Variants in SPATA22 observed in about 807,000 individuals in gnomAD.
SPATA22 encodes spermatogenesis-associated protein 22.
SPATA22 carries 29 observed loss-of-function variants against 47.8 expected under a neutral mutation model. That is an observed-to-expected ratio of 0.61 (90% CI 0.45 to 0.83). The LOEUF (loss-of-function observed/expected upper bound fraction) is 0.83. Ranked by LOEUF, SPATA22 falls within the 40% of genes least tolerant of loss-of-function variation. The probability of loss-of-function intolerance (pLI) is 0.00; values close to 1 mark genes in which losing one functional copy is unlikely to be tolerated. For synonymous variants in SPATA22, 133 were observed against 140.9 expected (o/e 0.94, Z 0.40); for missense variants, 410 against 421.7 (o/e 0.97, Z 0.24).
At chr17:3,507,584 T>C (rs965516979) in intron 1 of SPATA22, among the ~76,000 whole-genome samples, 1 of 152,220 alleles carries the variant, frequency 6.6e-6, no homozygotes, top group Non-Finnish European at 1.5e-5. Flanking sequence ...TTCTTGATAC[T>C]AGACTAACTA....
intron 1 of SPATA22, chr17:3,481,505 G>C (rs2073625966): frequency 8.9e-7 from 1 of 1,123,670 alleles, no homozygotes; most frequent in Non-Finnish European, 1.3e-6. Context: ...TCATATTAAA[G>C]ATTTGGCGAC....
chr17:3,456,171 A>G, intron 5 of SPATA22, among the ~76,000 whole-genome samples: 1 of 152,172 alleles, frequency 6.6e-6, no homozygotes, highest in Non-Finnish European at 1.5e-5. Flanking sequence ...TTCAAAAGCT[A>G]GCAGAAGGCA....
chr17:3,464,130 G>A (rs1455499667), intron 3 of SPATA22, among the ~76,000 whole-genome samples: 7 of 152,130 alleles, frequency 4.6e-5, no homozygotes, highest in East Asian at 1.9e-4. Flanking sequence ...GCAGGCGCGC[G>A]CCGCCACGCC....
At chr17:3,496,939 G>A (rs997585520) in intron 1 of SPATA22, among the ~76,000 whole-genome samples, 10 of 152,210 alleles carry the variant, frequency 6.6e-5, no homozygotes, top group South Asian at 4.2e-4. Context: ...GGTGGCAGGC[G>A]CCTGTAATCC....
chr17:3,480,168 G>A (rs1292635612), intron 1 of SPATA22, among the ~76,000 whole-genome samples: 1 of 152,212 alleles, frequency 6.6e-6, no homozygotes, highest in Non-Finnish European at 1.5e-5. Context: ...GCCAAGGCAG[G>A]AGGATTGCCT....
chr17:3,462,787 A>G lies in SPATA22; in HGVS notation c.173-20T>C. The G allele has an allele frequency of 6.3e-7, 1 of 1,578,176 alleles. No individual in the cohort carries two copies. Among genetic ancestry groups the G allele is most frequent in the Non-Finnish European group, 8.7e-7 (1 of 1,147,330 alleles). On this transcript the variant is annotated intron_variant, in intron 3 of 8. Coordinates refer to ENST00000572969, the MANE Select transcript of SPATA22 (RefSeq NM_001170698.2). ...CCCAATCTCAAAAGATATAAGTAAC[A>G]TAGATAAAAGTAAGATAGGTAGTAT... is the stretch of plus-strand genomic sequence containing the variant.
intron 1 of SPATA22, among the ~76,000 whole-genome samples, chr17:3,505,778 G>C (rs1437504741): frequency 6.8e-6 from 1 of 146,424 alleles, no homozygotes; most frequent in Non-Finnish European, 1.5e-5. Context: ...TTGTTTTTGA[G>C]ACGGAGTCTC....
intron 1 of SPATA22, among the ~76,000 whole-genome samples, chr17:3,506,723 T>G (rs2074043542): frequency 6.6e-6 from 1 of 152,152 alleles, no homozygotes; most frequent in Non-Finnish European, 1.5e-5. Flanking sequence ...GTGGATCACC[T>G]GAGGTCAGGA....
At position 3,489,359 on chromosome 17, in the gene SPATA22, GT is replaced by G. The variant is rs745752959; in HGVS notation, c.-73-19962del. 54 of 1,561,428 alleles carry G rather than the reference GT, an allele frequency of 3.5e-5. No homozygotes were observed. Among genetic ancestry groups the G allele is most frequent in the Admixed American group, 5.0e-5 (3 of 59,890 alleles). On this transcript the variant is annotated intron_variant, in intron 1 of 8. Coordinates refer to the SPATA22 transcript ENST00000541913. ...TCAATGAAGGTAAGTAATAATGAAG[GT>G]AACGTTATCAAACTTAACCACCAAA...
intron 1 of SPATA22, chr17:3,498,755 G>A (rs145748935): frequency 1.8e-5 from 15 of 827,694 alleles, no homozygotes; most frequent in Non-Finnish European, 2.3e-5. Flanking sequence ...TCACTTGCCT[G>A]CATCTCAATG....
upstream of SPATA22, chr17:3,476,030 C>A: frequency 1.2e-6 from 1 of 837,954 alleles, no homozygotes. Context: ...ATATACTCCA[C>A]TCAAGGGAAT....
At chr17:3,461,067 C>A (rs2073114818) in intron 5 of SPATA22, among the ~76,000 whole-genome samples, 1 of 152,060 alleles carries the variant, frequency 6.6e-6, no homozygotes, top group Admixed American at 6.6e-5. Flanking sequence ...AAACTCCATG[C>A]CCCAAGAAAG....
At chr17:3,464,309 T>G (rs1171597303) in intron 3 of SPATA22, among the ~76,000 whole-genome samples, 52 of 151,218 alleles carry the variant, frequency 3.4e-4, no homozygotes, top group African/African-American at 1.2e-3. Flanking sequence ...TGGAGTGCAG[T>G]GGCGTGATCT....
chr17:3,496,774 T>C (rs2073913648), intron 1 of SPATA22, among the ~76,000 whole-genome samples: 1 of 152,174 alleles, frequency 6.6e-6, no homozygotes, highest in Non-Finnish European at 1.5e-5. Context: ...TTTTTAAAAA[T>C]GCTGATTCCT....
chr17:3,498,637 T>C (rs1456808018), intron 1 of SPATA22, among the ~76,000 whole-genome samples: 2 of 152,186 alleles, frequency 1.3e-5, no homozygotes, highest in African/African-American at 4.8e-5. Context: ...AAGGAGCCAC[T>C]GCACCTGGCT....
At chr17:3,473,195 T>A (rs1323760539), upstream of SPATA22, among the ~76,000 whole-genome samples, 1 of 152,148 alleles carries the variant, frequency 6.6e-6, no homozygotes, top group Non-Finnish European at 1.5e-5. Context: ...GCTAGCAGTT[T>A]ATAAACTTAA....
intron 2 of SPATA22, chr17:3,468,859 T>G (rs754382496): frequency 2.9e-4 from 270 of 930,128 alleles, no homozygotes; most frequent in Non-Finnish European, 3.4e-4. Flanking sequence ...TGCATCATCA[T>G]TCCCCTGGTT....
At chr17:3,444,678 A>T in intron 7 of SPATA22, among the ~76,000 whole-genome samples, 1 of 152,040 alleles carries the variant, frequency 6.6e-6, no homozygotes, top group East Asian at 1.9e-4. Context: ...GCCACTTTTC[A>T]GTTGCGTGAA....
intron 3 of SPATA22, 67 bp downstream of exon 3, chr17:3,467,358 TA>T: frequency 8.0e-7 from 1 of 1,252,822 alleles, no homozygotes; most frequent in Non-Finnish European, 1.1e-6. Flanking sequence ...CATTATAATA[TA>T]AATTACAATT....
Sources: allele counts gnomAD v4.1 joint callset (sites outside exome capture counted in the v4.1 genomes callset), GRCh38; gene constraint gnomAD v4.1.1; transcripts MANE v1.5; gene names NCBI Gene and HGNC (gene_info 2026-07-23, HGNC 2026-07-21).